Variants in SCN11A observed in about 807,000 individuals in gnomAD.
The protein encoded by SCN11A is sodium channel protein type 11 subunit alpha.
SCN11A carries 122 observed loss-of-function variants against 162.2 expected under a neutral mutation model. The observed-to-expected ratio is 0.75, with a 90% CI of 0.65 to 0.87. The LOEUF (loss-of-function observed/expected upper bound fraction) is 0.87, where lower values mean the gene tolerates loss of function less well. Ranked by LOEUF, SCN11A falls within the 40% of genes least tolerant of loss-of-function variation. The pLI is 0.00. For missense variants in SCN11A, 2,015 were observed against 2,181.6 expected, an observed-to-expected ratio of 0.92 and a Z score of 1.52; for synonymous variants, 758 against 751.5, an observed-to-expected ratio of 1.01 and a Z score of -0.14.
intron 7 of SCN11A, among the ~76,000 whole-genome samples, chr3:38,927,940 A>T (rs1231784701): frequency 6.6e-6 from 1 of 152,212 alleles, no homozygotes; most frequent in African/African-American, 2.4e-5. Flanking sequence ...ATAAAGACAC[A>T]TATAGACCAA....
At chr3:38,855,210 C>T (rs919573149) in intron 28 of SCN11A, among the ~76,000 whole-genome samples, 17 of 152,188 alleles carry the variant, frequency 1.1e-4, no homozygotes, top group Admixed American at 1.0e-3. Flanking sequence ...ACCAGCCTCA[C>T]CAACTGTGTG....
chr3:38,909,311 G>T, intron 12 of SCN11A, 117 bp from the exon 13 acceptor site: 2 of 879,940 alleles, frequency 2.3e-6, no homozygotes, highest in Non-Finnish European at 3.6e-6. Flanking sequence ...GCACTGGTGG[G>T]CTCAGTTGAC....
rs1338675383 is a variant in SCN11A, at chr3:38,924,506, T to TG, written c.712+908dup. On this transcript the variant is annotated intron_variant, in intron 9 of 29. Transcript: ENST00000302328. ...CTCCCACCTCAGCCTCCTGAGTAGC[T>TG]GGGATTACAGGCATGCACCACCACA... Among the ~76,000 whole-genome samples the TG allele has an allele frequency of 7.2e-5, 11 of 152,224 alleles. No individual in the cohort carries two copies. In the East Asian group the frequency reaches 2.1e-3, roughly 29 times the overall value.
chr3:38,859,185 G>A (rs930158154), intron 28 of SCN11A, among the ~76,000 whole-genome samples: 2 of 151,736 alleles, frequency 1.3e-5, no homozygotes, highest in Non-Finnish European at 2.9e-5. Flanking sequence ...AGATCAAGCA[G>A]AAATAAATTA....
intron 2 of SCN11A, among the ~76,000 whole-genome samples, chr3:38,964,139 T>C (rs1032057798): frequency 6.6e-6 from 1 of 152,180 alleles, no homozygotes; most frequent in Non-Finnish European, 1.5e-5. Context: ...GTCCACATTG[T>C]AAGAGGATGT....
chr3:38,902,538 G>A (rs1184466882), intron 16 of SCN11A, among the ~76,000 whole-genome samples: 1 of 148,080 alleles, frequency 6.8e-6, no homozygotes, highest in Non-Finnish European at 1.5e-5. Flanking sequence ...TTTTTTTTGA[G>A]ATGGAGTCTC....
At chr3:38,905,080 G>T in intron 15 of SCN11A, 112 bp downstream of exon 15, 1 of 1,371,966 alleles carries the variant, frequency 7.3e-7, no homozygotes, top group South Asian at 1.2e-5. Context: ...GGTACAGTGG[G>T]TTGGTTCCAA....
chr3:39,003,887 T>TA (rs1475414580), intron 2 of SCN11A, among the ~76,000 whole-genome samples: 1 of 152,166 alleles, frequency 6.6e-6, no homozygotes, highest in Non-Finnish European at 1.5e-5. Flanking sequence ...TTTTTTCTTG[T>TA]AAATTTGTTT....
At chr3:38,876,707 G>C (rs1349130460) in intron 23 of SCN11A, among the ~76,000 whole-genome samples, 10 of 151,880 alleles carry the variant, frequency 6.6e-5, no homozygotes. Context: ...AATGATAGAT[G>C]TTGGCGTGGA....
At chr3:38,983,636 T>C (rs1428855552) in intron 2 of SCN11A, among the ~76,000 whole-genome samples, 1 of 152,214 alleles carries the variant, frequency 6.6e-6, no homozygotes, top group African/African-American at 2.4e-5. Context: ...AATGACAACC[T>C]CTACCCCATA....
chr3:38,936,480 C>A (rs2066333863), intron 7 of SCN11A, among the ~76,000 whole-genome samples: 1 of 151,344 alleles, frequency 6.6e-6, no homozygotes, highest in African/African-American at 2.4e-5. Context: ...CCCATTGTCT[C>A]AGCCCAAAAT....
intron 11 of SCN11A, among the ~76,000 whole-genome samples, chr3:38,919,456 T>C (rs910026258): frequency 1.3e-5 from 2 of 152,186 alleles, no homozygotes; most frequent in African/African-American, 4.8e-5. Flanking sequence ...AGTTTCCCCA[T>C]TGGAGCAGAG....
chr3:38,978,368 C>T (rs557276175), intron 2 of SCN11A, among the ~76,000 whole-genome samples: 4 of 152,294 alleles, frequency 2.6e-5, no homozygotes, highest in Middle Eastern at 3.4e-3. Flanking sequence ...CACTTTTCCT[C>T]GGCACGGTAG....
chr3:38,976,946 T>C (rs2066853484), intron 2 of SCN11A, among the ~76,000 whole-genome samples: 1 of 152,204 alleles, frequency 6.6e-6, no homozygotes, highest in African/African-American at 2.4e-5. Flanking sequence ...TTATTATATG[T>C]AGAATTAGAA....
intron 29 of SCN11A, among the ~76,000 whole-genome samples, chr3:38,848,278 G>T (rs2126077255): frequency 6.6e-6 from 1 of 152,342 alleles, no homozygotes; most frequent in Admixed American, 6.5e-5. Context: ...GCAGGCAAGT[G>T]ATACAAGGAT....
intron 2 of SCN11A, among the ~76,000 whole-genome samples, chr3:38,988,519 C>G (rs1377760612): frequency 3.9e-5 from 6 of 152,108 alleles, no homozygotes; most frequent in African/African-American, 1.4e-4. Context: ...ACACATCTTT[C>G]CCCTGTCCAG....
chr3:38,896,807 T>A (rs889113221), intron 18 of SCN11A, 38 bp downstream of exon 18: 1 of 1,032,664 alleles, frequency 9.7e-7, no homozygotes, highest in African/African-American at 2.6e-5. Flanking sequence ...GCATGTAGGA[T>A]CTTTTTTTTT....
chr3:38,909,341 C>G, intron 12 of SCN11A, 147 bp from the exon 13 acceptor site: 1 of 657,038 alleles, frequency 1.5e-6, no homozygotes, highest in Non-Finnish European at 2.6e-6. Context: ...TATAGCTTCC[C>G]TAATACTCCA....
intron 2 of SCN11A, among the ~76,000 whole-genome samples, chr3:39,022,283 T>C (rs1273892904): frequency 6.6e-6 from 1 of 152,168 alleles, no homozygotes; most frequent in South Asian, 2.1e-4. Context: ...ATTCATGACT[T>C]TTCCTATAGC....
Sources: gnomAD v4.1 joint callset for allele counts (sites outside exome capture counted in the v4.1 genomes callset) on GRCh38, gnomAD v4.1.1 for gene constraint, MANE v1.5 for transcripts, NCBI Gene and HGNC (gene_info 2026-07-23, HGNC 2026-07-21) for gene names.